Variants in ZNF324 observed in about 807,000 individuals in gnomAD.
ZNF324 encodes zinc finger protein 324, also known as zinc finger protein 324A.
ZNF324 carries 3 observed loss-of-function variants against 10.3 expected under a neutral mutation model. The observed-to-expected ratio is 0.29, with a 90% CI of 0.13 to 0.75. ZNF324 has a LOEUF of 0.75. ZNF324 is among the 30% of genes least tolerant of loss of function. The pLI, the probability that ZNF324 is intolerant of heterozygous loss-of-function variation, is 0.69. For synonymous variants in ZNF324, 430 were observed against 339.5 expected (o/e 1.27, Z -2.93); for missense variants, 763 against 784.4 (o/e 0.97, Z 0.33).
chr19:58,469,139 A>G (rs771258836), intron 1 of ZNF324, 41 bp from the exon 2 acceptor site: 2 of 1,613,662 alleles, frequency 1.2e-6, no homozygotes, highest in East Asian at 2.2e-5. Context: ...TGGATAACCC[A>G]GCCTTAGACC....
At position 58,470,985 on chromosome 19, in the gene ZNF324, C is replaced by T. The variant is rs149141158; in HGVS notation, c.493C>T (p.Pro165Ser). ...QASVSLRLTS[P>S]LRPPEGVRLR... The stretch of plus-strand genomic sequence containing the variant: ...CAGCGTCAGCCTGCGACTGACCTCC[C>T]CGCTTAGGCCTCCCGAGGGCGTCCG... Residue 165 changes from proline to serine, a missense_variant, in exon 4 of 4, where the codon CCG becomes TCG. Around this residue, in one of 3 missense-constraint regions of ZNF324, gnomAD observed 379 missense variants for 319.4 expected, o/e 1.19. Coordinates refer to ENST00000196482, the MANE Select transcript of ZNF324 (RefSeq NM_014347.3). 629 of 1,614,230 alleles carry T rather than the reference C, an allele frequency of 3.9e-4. 1 individual carries two copies. The highest frequency in any genetic ancestry group is 4.7e-4 in the Non-Finnish European group (560 of 1,180,044).
At chr19:58,470,607 C>T in intron 3 of ZNF324, 124 bp from the exon 4 acceptor site, 1 of 1,228,804 alleles carries the variant, frequency 8.1e-7, no homozygotes, top group South Asian at 1.2e-5. Context: ...GGGCCAGCCT[C>T]ACCTCTACTT....
rs367794802 is a variant in ZNF324 at position 58,470,788 on chromosome 19, C to T, written c.296C>T (p.Pro99Leu). The change falls in exon 4 of 4, where the codon CCA becomes CTA. Residue 99 changes from proline to leucine, a missense_variant. Coordinates refer to ENST00000196482, the MANE Select transcript of ZNF324 (RefSeq NM_014347.3). ...DVSGEWPRAF[P>L]DTPPGMTTSV... is the part of the protein sequence containing the mutation. ...TCTGGAGAATGGCCACGAGCTTTCC[C>T]AGATACCCCACCTGGGATGACTACT... The T allele has an allele frequency of 3.1e-6, 5 of 1,614,106 alleles. No individual in the cohort carries two copies. In the African/African-American group the frequency reaches 6.7e-5, roughly 22 times the overall value.
rs891816426 is a variant in ZNF324, at chr19:58,474,911, T to C, written c.*2757T>C. On this transcript the variant is annotated 3_prime_UTR_variant, in exon 4 of 4. Transcript: ENST00000196482. The stretch of plus-strand genomic sequence containing the variant: ...GAAGAGGAGAGAGTTCCCACCAGGC[T>C]GACTCCAGAACCGCAGAAGGCTGAG... 2.0e-5 allele frequency: 3 copies of C among 152,264 alleles called. No homozygotes were observed. The highest frequency in any genetic ancestry group is 7.2e-5 in the African/African-American group (3 of 41,420). 9.4% of individuals were successfully genotyped at this position (152,264 alleles called of 1,614,324 possible).
chr19:58,470,452 A>G (rs1031664422), intron 3 of ZNF324: 4 of 568,098 alleles, frequency 7.0e-6, no homozygotes, highest in Admixed American at 2.7e-5. Flanking sequence ...GTGGAGATGT[A>G]TGCAGCATAC....
At chr19:58,468,315 C>T (rs183082478) in intron 1 of ZNF324, 753 of 892,402 alleles carry the variant, frequency 8.4e-4, no homozygotes, top group African/African-American at 8.3e-3. Flanking sequence ...TAAAGAAGAC[C>T]AGCTGGGATG....
chr19:58,469,429 A>G, intron 2 of ZNF324, 123 bp downstream of exon 2: 1 of 1,337,642 alleles, frequency 7.5e-7, no homozygotes, highest in Non-Finnish European at 1.0e-6. Context: ...GCCATGTGGA[A>G]TAGGGGTCTG....
chr19:58,468,638 G>A (rs539201964), intron 1 of ZNF324, among the ~76,000 whole-genome samples: 4 of 152,274 alleles, frequency 2.6e-5, no homozygotes, highest in African/African-American at 9.6e-5. Flanking sequence ...GGAGGGTCAT[G>A]AGTGGTCATG....
chr19:58,470,393 CGGGGGGAAGGGGG>C (rs2053017953), intron 3 of ZNF324: 1 of 272,408 alleles, frequency 3.7e-6, no homozygotes, highest in South Asian at 2.4e-5. Context: ...GGGACAGGGG[CGGGGGGAAGGGGG>C]TAAGCAATGG....
Position 58,472,105 on chromosome 19 carries a change from C to A in ZNF324, c.1613C>A (p.Pro538His). ...SEGAPAKETE[P>H]TPASGPAAVS... is the part of the protein sequence containing the mutation. ...GGTGCGCCAGCGAAGGAAACCGAGC[C>A]CACTCCCGCCTCGGGCCCAGCCGCC... The change falls in exon 4 of 4, where the codon CCC becomes CAC. Residue 538 changes from proline (P) to histidine (H), a missense_variant. This residue lies in a region of ZNF324 where 231 missense variants were observed against 196.0 expected (regional missense o/e 1.18). Coordinates refer to ENST00000196482, the MANE Select transcript of ZNF324 (RefSeq NM_014347.3). 6.3e-7 allele frequency: 1 copy of A among 1,594,386 alleles called. No individual in the cohort carries two copies. Among genetic ancestry groups the A allele is most frequent in the Non-Finnish European group, 8.5e-7 (1 of 1,171,248 alleles).
At chr19:58,470,666 C>G (rs2053021077) in intron 3 of ZNF324, 65 bp from the exon 4 acceptor site, 3 of 1,607,598 alleles carry the variant, frequency 1.9e-6, no homozygotes, top group Middle Eastern at 3.3e-4. Flanking sequence ...TGCCTGTCCA[C>G]TCAGCCTGCC....
At chr19:58,469,642 C>A (rs2053010138) in intron 2 of ZNF324, 86 bp from the exon 3 acceptor site, 1 of 1,131,022 alleles carries the variant, frequency 8.8e-7, no homozygotes. Flanking sequence ...TTTTCTGTTT[C>A]CGTGAAGCCC....
rs1660619634 is a variant in ZNF324 at position 58,472,560 on chromosome 19, C to G, written c.*406C>G. The G allele has an allele frequency of 5.5e-6, 1 of 180,284 alleles. No homozygotes were observed. The highest frequency in any genetic ancestry group is 2.4e-5 in the African/African-American group (1 of 42,446). 11.2% of individuals were successfully genotyped at this position (180,284 alleles called of 1,614,324 possible). ...CTTATGACAGCTGTACACAAACTGG[C>G]CGCTGGAGAGATGCCCGCTGAGGGT... On this transcript the variant is annotated 3_prime_UTR_variant, in exon 4 of 4. Coordinates refer to ENST00000196482, the MANE Select transcript of ZNF324 (RefSeq NM_014347.3).
At position 58,474,980 on chromosome 19, in the gene ZNF324, G is replaced by A. The variant is rs2053068704; in HGVS notation, c.*2826G>A. On this transcript the variant is annotated 3_prime_UTR_variant, in exon 4 of 4. Coordinates refer to ENST00000196482, the MANE Select transcript of ZNF324 (RefSeq NM_014347.3). ...GGGAGACCTATATCAAAGCTGCCTG[G>A]GGAACAACTACTGAAGAAGCCCTTA... The A allele has an allele frequency of 1.3e-5, 2 of 152,296 alleles. No individual in the cohort carries two copies. Among genetic ancestry groups the A allele is most frequent in the South Asian group, 4.1e-4 (2 of 4,830 alleles). The allele number at this position is 152,296 out of a possible 1,614,324, so 9.4% of individuals were successfully genotyped here. A position where few individuals can be genotyped will look rare whatever the true frequency, so the allele number is the denominator to read the frequency against.
rs377753419 is a variant in ZNF324 at position 58,469,269 on chromosome 19, C to T, written c.84C>T (p.Arg28=). Residue 28 remains arginine, a synonymous_variant, in exon 2 of 4, where the codon CGC becomes CGT. Transcript: ENST00000196482. ...CAGCCCAGAGGGCCCTGTACCGCCG[C>T]GTGATGCTAGACAACTTCGCACTTG... ...LDTAQRALYR[R]VMLDNFALVA... 45 of 1,614,054 alleles carry T rather than the reference C, an allele frequency of 2.8e-5. No individual in the cohort carries two copies. Among genetic ancestry groups the T allele is most frequent in the East Asian group, 4.5e-5 (2 of 44,890 alleles).
Position 58,475,255 on chromosome 19 carries a change from A to C in ZNF324, c.*3101A>C, listed in dbSNP as rs1305246544. On this transcript the variant is annotated 3_prime_UTR_variant, in exon 4 of 4. Coordinates refer to ENST00000196482, the MANE Select transcript of ZNF324 (RefSeq NM_014347.3). ...GATTCCCAGGTATCCAAAGAAACCAAAACAGGCGGTGTAATTTAGGACTGA... is the reference window on the plus strand; with the variant it reads ...GATTCCCAGGTATCCAAAGAAACCACAACAGGCGGTGTAATTTAGGACTGA... 6.6e-6 allele frequency: 1 copy of C among 152,210 alleles called. No homozygotes were observed. The highest frequency in any genetic ancestry group is 1.5e-5 in the Non-Finnish European group (1 of 68,026). 9.4% of individuals were successfully genotyped at this position (152,210 alleles called of 1,614,324 possible). A position where few individuals can be genotyped will look rare whatever the true frequency, so the allele number is the denominator to read the frequency against.
chr19:58,470,427 G>A (rs1197192597), intron 3 of ZNF324: 2 of 502,844 alleles, frequency 4.0e-6, no homozygotes, highest in South Asian at 2.0e-5. Context: ...AAAGAGTGTG[G>A]GTGGAATAGC....
In ZNF324 at chr19:58,471,379, A is replaced by C. The variant is rs2053031328; in HGVS notation, c.887A>C (p.Gln296Pro). Residue 296 changes from glutamine to proline, a missense_variant, in exon 4 of 4, where the codon CAG (glutamine) becomes CCG (proline). By Grantham distance (76) the Gln-to-Pro change is moderately conservative. Transcript: ENST00000196482. ...ECAQCGKAFSQTSHLTQHQRI... is the reference protein window; with the variant it reads ...ECAQCGKAFSPTSHLTQHQRI... ...GCCCAGTGCGGCAAGGCCTTCAGCCAGACGTCGCACTTGACGCAGCACCAG... is the reference window on the plus strand; with the variant it reads ...GCCCAGTGCGGCAAGGCCTTCAGCCCGACGTCGCACTTGACGCAGCACCAG... 1 of 1,613,838 alleles carries C rather than the reference A, an allele frequency of 6.2e-7. No individual in the cohort carries two copies. Among genetic ancestry groups the C allele is most frequent in the South Asian group, 1.1e-5 (1 of 91,070 alleles).
rs559810957 is a variant in ZNF324, at chr19:58,470,714, T to A, written c.239-17T>A. 2 of 1,607,258 alleles carry A rather than the reference T, an allele frequency of 1.2e-6. No individual in the cohort carries two copies. The highest frequency in any genetic ancestry group is 1.7e-6 in the Non-Finnish European group (2 of 1,179,728). On this transcript the variant is annotated splice_polypyrimidine_tract_variant and intron_variant, in intron 3 of 3. Transcript: ENST00000196482. ...TAACCAGGATGCCCCAGGCAACCAC[T>A]GTTTCTCTGCCTTTAGGTTCCTGGA...
Sources: allele counts gnomAD v4.1 joint callset (sites outside exome capture counted in the v4.1 genomes callset), GRCh38; gene constraint gnomAD v4.1.1; regional missense constraint gnomAD v4.1.1; transcripts MANE v1.5; gene names NCBI Gene and HGNC (gene_info 2026-07-23, HGNC 2026-07-21).